The following PDE4B variants were observed in gnomAD, a reference collection of about 807,000 sequenced individuals.
PDE4B encodes the protein 3',5'-cyclic-AMP phosphodiesterase 4B.
Under a neutral mutation model 82.2 loss-of-function variants are expected in PDE4B, and 20 were observed. That is an observed-to-expected ratio of 0.24 (90% CI 0.17 to 0.35). The LOEUF is 0.35. Ranked by LOEUF, PDE4B falls within the 10% of genes least tolerant of loss-of-function variation. The pLI, the probability that PDE4B is intolerant of heterozygous loss-of-function variation, is 1.00. For synonymous variants in PDE4B, 320 were observed against 318.9 expected, an observed-to-expected ratio of 1.00 and a Z score of -0.04; for missense variants, 655 against 907.2, an observed-to-expected ratio of 0.72 and a Z score of 3.57.
At chr1:66,059,478 T>C (rs1013227977) in intron 3 of PDE4B, among the ~76,000 whole-genome samples, 11 of 152,152 alleles carry the variant, frequency 7.2e-5, no homozygotes, top group African/African-American at 2.7e-4. Flanking sequence ...CTGGTCAATT[T>C]ACAAAAGGAA....
intron 3 of PDE4B, among the ~76,000 whole-genome samples, chr1:66,184,275 G>A (rs1647134065): frequency 6.6e-6 from 1 of 152,168 alleles, no homozygotes; most frequent in Non-Finnish European, 1.5e-5. Flanking sequence ...TGCCAATTAG[G>A]AGGTTCCATA....
At chr1:66,044,035 G>A (rs528088403) in intron 3 of PDE4B, among the ~76,000 whole-genome samples, 12 of 4,696 alleles carry the variant, frequency 2.6e-3, no homozygotes, top group Admixed American at 0.013. Context: ...TATACTAAAT[G>A]TATTATACTA....
At chr1:66,099,654 T>C (rs1645182983) in intron 3 of PDE4B, among the ~76,000 whole-genome samples, 1 of 152,158 alleles carries the variant, frequency 6.6e-6, no homozygotes, top group Admixed American at 6.6e-5. Context: ...AAAATGAAAG[T>C]AATTGCTAAT....
chr1:65,821,217 C>T (rs188628094), intron 1 of PDE4B, among the ~76,000 whole-genome samples: 4 of 152,246 alleles, frequency 2.6e-5, no homozygotes, highest in East Asian at 1.9e-4. Context: ...AAAGTGGTTG[C>T]GTCATTTATA....
At chr1:65,842,678 T>C (rs1299683676) in intron 1 of PDE4B, among the ~76,000 whole-genome samples, 1 of 152,148 alleles carries the variant, frequency 6.6e-6, no homozygotes, top group Admixed American at 6.6e-5. Context: ...GATAAATACA[T>C]GAAGACCCAC....
chr1:65,855,681 C>G (rs982216788), intron 1 of PDE4B, among the ~76,000 whole-genome samples: 19 of 152,166 alleles, frequency 1.2e-4, no homozygotes, highest in African/African-American at 4.6e-4. Context: ...GTAAATATTT[C>G]TGGAGCCCCC....
intron 1 of PDE4B, among the ~76,000 whole-genome samples, chr1:65,910,389 C>T (rs1211480889): frequency 6.6e-6 from 1 of 152,160 alleles, no homozygotes; most frequent in Non-Finnish European, 1.5e-5. Flanking sequence ...TTTATTCTTT[C>T]AATACTTATT....
chr1:65,850,011 G>A (rs1646311965), intron 1 of PDE4B, among the ~76,000 whole-genome samples: 1 of 151,382 alleles, frequency 6.6e-6, no homozygotes. Flanking sequence ...TTGCCAAACT[G>A]CTTTCCAAAG....
intron 3 of PDE4B, among the ~76,000 whole-genome samples, chr1:66,175,412 C>T (rs1646914052): frequency 6.6e-6 from 1 of 152,050 alleles, no homozygotes; most frequent in Admixed American, 6.5e-5. Flanking sequence ...TTATCTAAGC[C>T]AGTATGAGAA....
chr1:65,929,374 G>T (rs1004586427), intron 3 of PDE4B, among the ~76,000 whole-genome samples: 1 of 152,194 alleles, frequency 6.6e-6, no homozygotes, highest in African/African-American at 2.4e-5. Flanking sequence ...AGTATCCCCA[G>T]CTTCATCAGT....
chr1:66,008,476 T>C (rs1652282830), intron 3 of PDE4B, among the ~76,000 whole-genome samples: 2 of 152,152 alleles, frequency 1.3e-5, no homozygotes, highest in African/African-American at 4.8e-5. Flanking sequence ...AGGGCTTTGC[T>C]CTTGCACTTG....
intron 1 of PDE4B, among the ~76,000 whole-genome samples, chr1:65,860,482 T>C (rs899504091): frequency 3.3e-5 from 5 of 152,252 alleles, no homozygotes; most frequent in African/African-American, 1.2e-4. Flanking sequence ...GTCTTTGCTA[T>C]TGTGAACAGT....
intron 8 of PDE4B, among the ~76,000 whole-genome samples, chr1:66,341,635 A>G (rs1660989858): frequency 6.6e-6 from 1 of 152,234 alleles, no homozygotes; most frequent in Non-Finnish European, 1.5e-5. Context: ...AAGTTTAGGT[A>G]GTAAAAATAC....
At chr1:65,949,262 C>T (rs1226809541) in intron 3 of PDE4B, among the ~76,000 whole-genome samples, 2 of 152,094 alleles carry the variant, frequency 1.3e-5, no homozygotes, top group East Asian at 1.9e-4. Context: ...GGAATATGGT[C>T]GGTACAGGGT....
In PDE4B at chr1:66,332,539, G is replaced by A; in HGVS notation, c.666G>A (p.Thr222=). Residue 222 remains threonine (T), a synonymous_variant, in exon 8 of 17, where the codon ACG becomes ACA. Coordinates refer to ENST00000341517, the MANE Select transcript of PDE4B (RefSeq NM_002600.4). The stretch of plus-strand genomic sequence containing the variant: ...CTTATCAAAAATTAGCAATGGAAAC[G>A]CTGGAGGAATTAGACTGGTGTTTAG... ...EESYQKLAME[T]LEELDWCLDQ... 2 of 1,614,140 alleles carry A rather than the reference G, an allele frequency of 1.2e-6. No homozygotes were observed. Among genetic ancestry groups the A allele is most frequent in the Non-Finnish European group, 1.7e-6 (2 of 1,180,006 alleles).
intron 3 of PDE4B, among the ~76,000 whole-genome samples, chr1:66,108,907 T>G (rs2101046043): frequency 6.6e-6 from 1 of 152,118 alleles, no homozygotes; most frequent in South Asian, 2.1e-4. Context: ...TTAATTTCTG[T>G]TTTTGACTGA....
intron 3 of PDE4B, among the ~76,000 whole-genome samples, chr1:66,239,314 C>G (rs944575832): frequency 1.3e-5 from 2 of 152,142 alleles, no homozygotes; most frequent in African/African-American, 4.8e-5. Context: ...AGCCACCCCC[C>G]TCCCTGGCCC....
At chr1:65,930,374 C>G (rs1055659087) in intron 3 of PDE4B, among the ~76,000 whole-genome samples, 3 of 152,236 alleles carry the variant, frequency 2.0e-5, no homozygotes, top group African/African-American at 4.8e-5. Context: ...TTAACCATCA[C>G]AGAGGGCCAC....
At chr1:66,182,060 A>G (rs1169658487) in intron 3 of PDE4B, among the ~76,000 whole-genome samples, 1 of 152,216 alleles carries the variant, frequency 6.6e-6, no homozygotes, top group Non-Finnish European at 1.5e-5. Flanking sequence ...TTAAAAAGTC[A>G]GTAAATAATA....
Sources: allele counts gnomAD v4.1 joint callset (sites outside exome capture counted in the v4.1 genomes callset), GRCh38; gene constraint gnomAD v4.1.1; transcripts MANE v1.5; gene names NCBI Gene and HGNC (gene_info 2026-07-23, HGNC 2026-07-21).